Variants in CADM2 observed in about 807,000 individuals in gnomAD.
The protein encoded by CADM2 is cell adhesion molecule 2, also known as immunoglobulin superfamily member 4D.
CADM2 carries 12 observed loss-of-function variants against 49.8 expected under a neutral mutation model. The observed-to-expected ratio is 0.24, with a 90% CI of 0.15 to 0.39. CADM2 has a LOEUF of 0.39. Ranked by LOEUF, CADM2 falls within the 10% of genes least tolerant of loss-of-function variation. The pLI is 1.00. For missense variants in CADM2, 378 were observed against 492.3 expected, an observed-to-expected ratio of 0.77 and a Z score of 2.20; for synonymous variants, 214 against 175.4, an observed-to-expected ratio of 1.22 and a Z score of -1.74.
rs1405435438 is a variant in CADM2, at chr3:85,477,265, CACACACAT to C, written c.62-249253_62-249246del. On this transcript the variant is annotated intron_variant, in intron 1 of 9. Transcript: ENST00000383699. ...TTAAACACACACACACACACACACA[CACACACAT>C]ACAGACACGTATTAGTTATTTATAG... Among the ~76,000 whole-genome samples, 24 of 150,662 alleles carry C rather than the reference CACACACAT, an allele frequency of 1.6e-4. 1 individual carries two copies. In the South Asian group the frequency reaches 1.9e-3, roughly 12 times the overall value.
intron 1 of CADM2, among the ~76,000 whole-genome samples, chr3:85,574,956 T>G (rs1286948814): frequency 6.6e-6 from 1 of 152,124 alleles, no homozygotes; most frequent in Non-Finnish European, 1.5e-5. Context: ...TCAAGCTGAT[T>G]ACCCTTATTG....
intron 1 of CADM2, among the ~76,000 whole-genome samples, chr3:85,337,009 TA>T (rs1355900846): frequency 1.5e-5 from 2 of 137,160 alleles, no homozygotes; most frequent in South Asian, 2.2e-4. Flanking sequence ...ATATTAAATA[TA>T]ATATATATAA....
At chr3:85,791,940 G>A (rs543744253) in intron 2 of CADM2, among the ~76,000 whole-genome samples, 4 of 152,090 alleles carry the variant, frequency 2.6e-5, no homozygotes, top group Admixed American at 6.6e-5. Context: ...AGCCAGGATG[G>A]TCTCGATCTC....
rs550962874 is a variant in CADM2 at position 85,424,463 on chromosome 3, T to C, written c.62-302059T>C. ...GTATATTTATACATAAAACTACTAT[T>C]CTTAGTTGACAAGTATTAGGACAGA... On this transcript the variant is annotated intron_variant, in intron 1 of 9. Coordinates refer to ENST00000383699, the MANE Select transcript of CADM2 (RefSeq NM_001167675.2). 2.6e-5 allele frequency among the ~76,000 whole-genome samples: 4 copies of C among 152,204 alleles called. No homozygotes were observed. In the South Asian group the frequency reaches 8.3e-4, roughly 32 times the overall value.
At chr3:85,169,315 C>T (rs2107681688) in intron 1 of CADM2, among the ~76,000 whole-genome samples, 1 of 152,200 alleles carries the variant, frequency 6.6e-6, no homozygotes, top group South Asian at 2.1e-4. Flanking sequence ...AAGTTTTATT[C>T]TACTTAGTTT....
intron 1 of CADM2, among the ~76,000 whole-genome samples, chr3:85,016,990 C>G (rs1345239740): frequency 6.6e-6 from 1 of 152,038 alleles, no homozygotes; most frequent in East Asian, 1.9e-4. Flanking sequence ...TAAATGAAAT[C>G]CACCCACCAA....
intron 1 of CADM2, among the ~76,000 whole-genome samples, chr3:85,632,737 CA>C (rs935113468): frequency 6.6e-6 from 1 of 151,934 alleles, no homozygotes; most frequent in African/African-American, 2.4e-5. Flanking sequence ...GTGCCTATGA[CA>C]AGCCCAACTT....
At chr3:85,693,916 A>G (rs1489383875) in intron 1 of CADM2, among the ~76,000 whole-genome samples, 1 of 146,794 alleles carries the variant, frequency 6.8e-6, no homozygotes, top group Non-Finnish European at 1.5e-5. Flanking sequence ...AAGAAAAAAG[A>G]AAAAAAAAAG....
intron 1 of CADM2, among the ~76,000 whole-genome samples, chr3:85,011,484 A>G (rs2033991129): frequency 6.6e-6 from 1 of 152,208 alleles, no homozygotes; most frequent in Admixed American, 6.5e-5. Flanking sequence ...ATAATTTTCT[A>G]AAAATGAACA....
chr3:85,044,849 T>G (rs1448991486), intron 1 of CADM2, among the ~76,000 whole-genome samples: 1 of 149,912 alleles, frequency 6.7e-6, no homozygotes, highest in Non-Finnish European at 1.5e-5. Flanking sequence ...AGCCAGCTAG[T>G]GAATGGATAT....
intron 1 of CADM2, among the ~76,000 whole-genome samples, chr3:85,318,408 A>G (rs951978993): frequency 2.0e-5 from 3 of 152,080 alleles, no homozygotes; most frequent in Non-Finnish European, 2.9e-5. Flanking sequence ...AAATATATGA[A>G]TCCTAAGTTT....
chr3:85,665,325 A>G (rs1192191088), intron 1 of CADM2, among the ~76,000 whole-genome samples: 1 of 151,934 alleles, frequency 6.6e-6, no homozygotes, highest in Non-Finnish European at 1.5e-5. Context: ...TTTATTAAAT[A>G]TAATTTAATT....
intron 7 of CADM2, among the ~76,000 whole-genome samples, chr3:85,958,734 T>C (rs974519936): frequency 6.6e-6 from 1 of 151,886 alleles, no homozygotes; most frequent in Non-Finnish European, 1.5e-5. Flanking sequence ...AGGAGTGAGA[T>C]CATGTCCTTT....
chr3:85,119,588 G>T (rs754162989), intron 1 of CADM2, among the ~76,000 whole-genome samples: 4 of 151,998 alleles, frequency 2.6e-5, no homozygotes, highest in Non-Finnish European at 5.9e-5. Flanking sequence ...AATTACTTTG[G>T]GCAGTATGGG....
intron 1 of CADM2, among the ~76,000 whole-genome samples, chr3:85,220,196 A>G (rs1470874784): frequency 6.6e-6 from 1 of 152,006 alleles, no homozygotes; most frequent in African/African-American, 2.4e-5. Flanking sequence ...TGCTGTTAAG[A>G]TGCTGCCTAT....
intron 3 of CADM2, among the ~76,000 whole-genome samples, chr3:85,849,696 A>G (rs1045322019): frequency 6.6e-6 from 1 of 152,162 alleles, no homozygotes; most frequent in Non-Finnish European, 1.5e-5. Flanking sequence ...CAGAATTTCC[A>G]AGGTAGGGAG....
chr3:86,057,417 T>G (rs1477621944), intron 8 of CADM2, among the ~76,000 whole-genome samples: 1 of 152,098 alleles, frequency 6.6e-6, no homozygotes, highest in Non-Finnish European at 1.5e-5. Flanking sequence ...ATAGTAACAG[T>G]TTTATTATAA....
At chr3:85,335,556 C>CT (rs1005699091) in intron 1 of CADM2, among the ~76,000 whole-genome samples, 293 of 147,862 alleles carry the variant, frequency 2.0e-3, no homozygotes, top group African/African-American at 6.3e-3. Context: ...ATATTTATCA[C>CT]TTTTTTTTTT....
chr3:85,247,577 C>G (rs1416331607), intron 1 of CADM2, among the ~76,000 whole-genome samples: 1 of 152,062 alleles, frequency 6.6e-6, no homozygotes, highest in Non-Finnish European at 1.5e-5. Flanking sequence ...AGATATATTT[C>G]TATAAATGAT....
Sources: allele counts gnomAD v4.1 joint callset (sites outside exome capture counted in the v4.1 genomes callset), GRCh38; gene constraint gnomAD v4.1.1; transcripts MANE v1.5; gene names NCBI Gene and HGNC (gene_info 2026-07-23, HGNC 2026-07-21).